Variants in ADAMTS19 observed in about 807,000 individuals in gnomAD.
ADAMTS19 encodes the protein A disintegrin and metalloproteinase with thrombospondin motifs 19.
In ADAMTS19, 93 loss-of-function variants were observed where a neutral mutation model predicts 153.3. The observed-to-expected ratio is 0.61, with a 90% CI of 0.51 to 0.72. The LOEUF (loss-of-function observed/expected upper bound fraction) is 0.72. ADAMTS19 is among the 30% of genes least tolerant of loss of function. The pLI is 0.00. For synonymous variants in ADAMTS19, 600 were observed against 556.6 expected (o/e 1.08, Z -1.10); for missense variants, 1,482 against 1,552.1 (o/e 0.95, Z 0.76).
Position 129,654,490 on chromosome 5 carries a change from C to G in ADAMTS19, c.2304+57C>G. 4 of 1,565,386 alleles carry G rather than the reference C, an allele frequency of 2.6e-6. No homozygotes were observed. The South Asian group carries it at 4.6e-5, about 18-fold the overall frequency. On this transcript the variant is annotated intron_variant, in intron 14 of 22. Coordinates refer to ENST00000274487, the MANE Select transcript of ADAMTS19 (RefSeq NM_133638.6). ...ATGTTGAAGGAAAATTGTGGGACCA[C>G]TGAGCAGCTTCACAGCATGGTGGAA...
chr5:129,584,962 GC>G (rs1749707199), intron 7 of ADAMTS19, among the ~76,000 whole-genome samples: 3 of 152,176 alleles, frequency 2.0e-5, no homozygotes, highest in Non-Finnish European at 2.9e-5. Flanking sequence ...ATCTCCTGAA[GC>G]TAGTTAGGTG....
intron 17 of ADAMTS19, among the ~76,000 whole-genome samples, chr5:129,681,646 T>C (rs1215580181): frequency 6.6e-6 from 1 of 152,198 alleles, no homozygotes; most frequent in African/African-American, 2.4e-5. Context: ...GTCACTCTTC[T>C]ATGCTACCTC....
intron 6 of ADAMTS19, among the ~76,000 whole-genome samples, chr5:129,535,446 T>C (rs1752380899): frequency 2.0e-5 from 3 of 152,184 alleles, no homozygotes; most frequent in Non-Finnish European, 4.4e-5. Flanking sequence ...TCCATGCTTA[T>C]GGGTAGGAAG....
chr5:129,569,930 C>T (rs1011012845), intron 7 of ADAMTS19, among the ~76,000 whole-genome samples: 13 of 151,840 alleles, frequency 8.6e-5, no homozygotes, highest in African/African-American at 3.1e-4. Context: ...ATAAGCAAAA[C>T]AAAACACACT....
chr5:129,665,397 T>C (rs937487190), intron 15 of ADAMTS19, 102 bp from the exon 16 acceptor site: 1 of 922,160 alleles, frequency 1.1e-6, no homozygotes, highest in Non-Finnish European at 1.6e-6. Context: ...TGAAATATCA[T>C]AGCAATAACC....
chr5:129,688,149 A>G (rs1023706962), intron 18 of ADAMTS19: 1 of 152,196 alleles, frequency 6.6e-6, no homozygotes, highest in African/African-American at 2.4e-5. Context: ...TTCTGACTTC[A>G]TATCATCGAT....
At chr5:129,583,981 G>A (rs990612609) in intron 7 of ADAMTS19, among the ~76,000 whole-genome samples, 6 of 152,056 alleles carry the variant, frequency 3.9e-5, no homozygotes, top group Non-Finnish European at 7.4e-5. Context: ...TCATTTGGAC[G>A]AGAAGAGGCA....
chr5:129,589,660 A>G lies in ADAMTS19; in HGVS notation c.1373-6899A>G, dbSNP rs571074707. ...TGGTGGCCCAGTAAATGTGAACTTCAAACTCTCTCTCTTTATGTTAAAAAA... is the reference window on the plus strand; with the variant it reads ...TGGTGGCCCAGTAAATGTGAACTTCGAACTCTCTCTCTTTATGTTAAAAAA... On this transcript the variant is annotated intron_variant, in intron 7 of 22. Transcript: ENST00000274487. 1.1e-4 allele frequency among the ~76,000 whole-genome samples: 16 copies of G among 152,224 alleles called. No homozygotes were observed. The East Asian group carries it at 1.9e-3, about 18-fold the overall frequency.
rs190438777 is a variant in ADAMTS19 at position 129,498,882 on chromosome 5, C to T, written c.748-10195C>T. Among the ~76,000 whole-genome samples the T allele has an allele frequency of 1.1e-3, 170 of 150,148 alleles. 3 individuals carry two copies. The highest frequency in any genetic ancestry group is 4.9e-3 in the Admixed American group (73 of 14,972). The stretch of plus-strand genomic sequence containing the variant: ...TTTCTTAAGTGTATTTTTCTGAATA[C>T]CTGATTTTTGTCTGTCCTTCCCTCA... On this transcript the variant is annotated intron_variant, in intron 2 of 22. Coordinates refer to ENST00000274487, the MANE Select transcript of ADAMTS19 (RefSeq NM_133638.6).
At chr5:129,526,707 CTT>C (rs983059367) in intron 4 of ADAMTS19, among the ~76,000 whole-genome samples, 2 of 151,706 alleles carry the variant, frequency 1.3e-5, no homozygotes, top group South Asian at 4.2e-4. Flanking sequence ...TCTTTTCTCT[CTT>C]TTTTTGGTAC....
At chr5:129,519,777 T>C (rs1388503034) in intron 3 of ADAMTS19, among the ~76,000 whole-genome samples, 1 of 152,278 alleles carries the variant, frequency 6.6e-6, no homozygotes, top group South Asian at 2.1e-4. Flanking sequence ...ATTTATATAT[T>C]GCTTGGATTA....
At chr5:129,553,624 T>C (rs1259677876) in intron 7 of ADAMTS19, among the ~76,000 whole-genome samples, 1 of 152,140 alleles carries the variant, frequency 6.6e-6, no homozygotes, top group Non-Finnish European at 1.5e-5. Context: ...GTTTTGCTGA[T>C]TCCTTAGGTT....
rs767110495 is a variant in ADAMTS19 at position 129,704,278 on chromosome 5, G to A, written c.3199G>A (p.Val1067Ile). 86 of 1,613,942 alleles carry A rather than the reference G, an allele frequency of 5.3e-5. No individual in the cohort carries two copies. The highest frequency in any genetic ancestry group is 4.9e-4 in the Middle Eastern group (3 of 6,082). The stretch of plus-strand genomic sequence containing the variant: ...TGGCAAAGGCATACGTCATCGGACC[G>A]TTAGATGTACCAACCCAAGAAAGAA... ...KCGKGIRHRT[V>I]RCTNPRKKCV... Residue 1067 changes from valine to isoleucine, a missense_variant, in exon 21 of 23, where the codon GTT becomes ATT. Around this residue, in one of 2 missense-constraint regions of ADAMTS19, gnomAD observed 616 missense variants for 724.4 expected, o/e 0.85. Coordinates refer to ENST00000274487, the MANE Select transcript of ADAMTS19 (RefSeq NM_133638.6).
In ADAMTS19 at chr5:129,493,227, A is replaced by G. The variant is rs144334985; in HGVS notation, c.748-15850A>G. ...ACTTCATTTTTATCAACTATATGTT[A>G]TAATTTTATGTGCTATTTTTAATTG... On this transcript the variant is annotated intron_variant, in intron 2 of 22. Transcript: ENST00000274487. Among the ~76,000 whole-genome samples, 422 of 152,256 alleles carry G rather than the reference A, an allele frequency of 2.8e-3. 1 individual carries two copies. The highest frequency in any genetic ancestry group is 9.8e-3 in the African/African-American group (408 of 41,562).
chr5:129,481,162 T>A (rs745358576), intron 2 of ADAMTS19, among the ~76,000 whole-genome samples: 55 of 152,138 alleles, frequency 3.6e-4, no homozygotes, highest in Non-Finnish European at 6.5e-4. Flanking sequence ...CGGTTCAGCA[T>A]GGCTGGGGAG....
rs138914812 is a variant in ADAMTS19 at position 129,646,842 on chromosome 5, A to G, written c.1873-923A>G. On this transcript the variant is annotated intron_variant, in intron 11 of 22. Transcript: ENST00000274487. ...TACAATCACTAATCTAAATGCTTGT[A>G]ATCTTACTTATTATTCTCAATATGA... Among the ~76,000 whole-genome samples, 352 of 152,238 alleles carry G rather than the reference A, an allele frequency of 2.3e-3. 2 individuals are homozygous for G. Among genetic ancestry groups the G allele is most frequent in the African/African-American group, 7.8e-3 (323 of 41,546 alleles).
chr5:129,647,922 AGG>A (rs1011854243), intron 12 of ADAMTS19, 27 bp downstream of exon 12: 10 of 1,592,164 alleles, frequency 6.3e-6, no homozygotes, highest in Non-Finnish European at 8.6e-6. Flanking sequence ...TGGTTGGGGG[AGG>A]GCACTTTTCA....
At chr5:129,463,217 G>T (rs975019856) in intron 2 of ADAMTS19, among the ~76,000 whole-genome samples, 7 of 152,296 alleles carry the variant, frequency 4.6e-5, no homozygotes, top group Non-Finnish European at 8.8e-5. Flanking sequence ...TGGTGTGGTA[G>T]TAGCAATGGG....
chr5:129,545,838 G>A (rs1442760579), intron 6 of ADAMTS19, among the ~76,000 whole-genome samples: 2 of 150,528 alleles, frequency 1.3e-5, no homozygotes, highest in Non-Finnish European at 2.9e-5. Context: ...CGATTCCTCA[G>A]GGATCTAGAA....
Sources: allele counts gnomAD v4.1 joint callset (sites outside exome capture counted in the v4.1 genomes callset), GRCh38; gene constraint gnomAD v4.1.1; regional missense constraint gnomAD v4.1.1; transcripts MANE v1.5; gene names NCBI Gene and HGNC (gene_info 2026-07-23, HGNC 2026-07-21).